Variants in RIN3 observed in about 807,000 individuals in gnomAD.
RIN3 encodes RAB5 interacting protein 3.
A neutral mutation model predicts 76.3 loss-of-function variants in RIN3; 54 were observed. That is an observed-to-expected ratio of 0.71 (90% CI 0.57 to 0.89). The LOEUF (loss-of-function observed/expected upper bound fraction) is 0.89. Among genes scored for constraint, RIN3 ranks in the 40% least tolerant of loss-of-function variants. The pLI is 0.00. For synonymous variants in RIN3, 576 were observed against 564.0 expected, an observed-to-expected ratio of 1.02 and a Z score of -0.30; for missense variants, 1,256 against 1,322.1, an observed-to-expected ratio of 0.95 and a Z score of 0.78.
At chr14:92,526,082 G>GT (rs1417022654) in intron 1 of RIN3, among the ~76,000 whole-genome samples, 1 of 152,180 alleles carries the variant, frequency 6.6e-6, no homozygotes, top group Non-Finnish European at 1.5e-5. Context: ...GACAGGAGAG[G>GT]TGACCAGATA....
intron 2 of RIN3, among the ~76,000 whole-genome samples, chr14:92,560,051 G>A (rs1453350692): frequency 6.6e-6 from 1 of 152,216 alleles, no homozygotes; most frequent in Non-Finnish European, 1.5e-5. Context: ...TGTGGCAAGA[G>A]GCAAAGGCCA....
At chr14:92,657,228 T>C (rs1356684638) in intron 6 of RIN3, among the ~76,000 whole-genome samples, 1 of 152,010 alleles carries the variant, frequency 6.6e-6, no homozygotes, top group Non-Finnish European at 1.5e-5. Flanking sequence ...GGCATGGTGG[T>C]GGGTACCTGT....
At chr14:92,596,297 T>C (rs1484303991) in intron 3 of RIN3, among the ~76,000 whole-genome samples, 3 of 152,328 alleles carry the variant, frequency 2.0e-5, no homozygotes, top group South Asian at 2.1e-4. Flanking sequence ...GCCCCAGTTA[T>C]TGGGGAGTTG....
chr14:92,578,933 C>CT (rs796205337), intron 3 of RIN3, among the ~76,000 whole-genome samples: 1,990 of 146,706 alleles, frequency 0.014, 32 homozygotes, highest in African/African-American at 0.039. Flanking sequence ...CTTTTCTTTT[C>CT]TTTTTTTTTT....
At chr14:92,660,807 C>T (rs1887853653) in intron 7 of RIN3, among the ~76,000 whole-genome samples, 1 of 152,204 alleles carries the variant, frequency 6.6e-6, no homozygotes, top group Non-Finnish European at 1.5e-5. Context: ...GACTGCAGTC[C>T]TCCAGGCAGA....
chr14:92,665,633 G>A (rs1277931005), intron 7 of RIN3, among the ~76,000 whole-genome samples: 1 of 151,924 alleles, frequency 6.6e-6, no homozygotes, highest in Non-Finnish European at 1.5e-5. Flanking sequence ...CACCCACCTC[G>A]GCCTCTCAAA....
intron 4 of RIN3, among the ~76,000 whole-genome samples, chr14:92,634,562 C>T (rs1886709750): frequency 6.6e-6 from 1 of 152,032 alleles, no homozygotes; most frequent in South Asian, 2.1e-4. Context: ...CCCTCAGGAG[C>T]TGTTTAAAAA....
At chr14:92,673,509 C>CT (rs34245765) in intron 7 of RIN3, among the ~76,000 whole-genome samples, 46,999 of 146,592 alleles carry the variant, frequency 0.32, 7,602 homozygotes, top group Non-Finnish European at 0.36. Flanking sequence ...AAAATATCCA[C>CT]TTTTTTTTTT....
chr14:92,626,311 C>A (rs1015781473), intron 4 of RIN3, among the ~76,000 whole-genome samples: 41 of 152,294 alleles, frequency 2.7e-4, no homozygotes, highest in South Asian at 1.9e-3. Flanking sequence ...ATCCCCCTTT[C>A]TTCCCCTGAG....
At chr14:92,632,133 A>G (rs1886608992) in intron 4 of RIN3, among the ~76,000 whole-genome samples, 1 of 152,148 alleles carries the variant, frequency 6.6e-6, no homozygotes, top group African/African-American at 2.4e-5. Flanking sequence ...TCTGGAGCAT[A>G]AAGTAAACCT....
At chr14:92,670,771 G>A (rs1046494867) in intron 7 of RIN3, among the ~76,000 whole-genome samples, 3 of 152,186 alleles carry the variant, frequency 2.0e-5, no homozygotes, top group African/African-American at 7.2e-5. Flanking sequence ...TGGTGTGCTG[G>A]AGTCAGCTCG....
chr14:92,524,555 A>G (rs1896679776), intron 1 of RIN3, among the ~76,000 whole-genome samples: 1 of 152,232 alleles, frequency 6.6e-6, no homozygotes, highest in African/African-American at 2.4e-5. Context: ...AAGAGGCCCC[A>G]AGAATGGCCT....
At chr14:92,669,865 T>C (rs1888227944) in intron 7 of RIN3, among the ~76,000 whole-genome samples, 1 of 152,134 alleles carries the variant, frequency 6.6e-6, no homozygotes, top group African/African-American at 2.4e-5. Flanking sequence ...ACTAAAAATA[T>C]TTACTTTCTG....
At chr14:92,668,741 G>T (rs567418684) in intron 7 of RIN3, among the ~76,000 whole-genome samples, 2 of 152,336 alleles carry the variant, frequency 1.3e-5, no homozygotes, top group South Asian at 4.1e-4. Flanking sequence ...CTCTCTAGGG[G>T]CCACAGACAT....
chr14:92,550,000 T>A (rs952152025), intron 1 of RIN3, among the ~76,000 whole-genome samples: 1 of 152,054 alleles, frequency 6.6e-6, no homozygotes, highest in Non-Finnish European at 1.5e-5. Context: ...GGTGTCAGAG[T>A]GGCCGGCTCT....
intron 5 of RIN3, chr14:92,645,227 G>C (rs1025048416): frequency 6.6e-6 from 1 of 152,180 alleles, no homozygotes; most frequent in African/African-American, 2.4e-5. Flanking sequence ...ATGATCCCTG[G>C]CCAGCCTAGT....
At chr14:92,589,758 C>T (rs1884913683) in intron 3 of RIN3, among the ~76,000 whole-genome samples, 1 of 152,178 alleles carries the variant, frequency 6.6e-6, no homozygotes, top group African/African-American at 2.4e-5. Context: ...TCCTGATTGC[C>T]CCCCTTCCCA....
At chr14:92,534,785 A>C (rs1450187060) in intron 1 of RIN3, among the ~76,000 whole-genome samples, 1 of 152,028 alleles carries the variant, frequency 6.6e-6, no homozygotes, top group African/African-American at 2.4e-5. Flanking sequence ...AGAGGCTCTG[A>C]CAAGCACATT....
Position 92,681,379 on chromosome 14 carries a change from G to T in RIN3, c.2468-3608G>T, listed in dbSNP as rs1375984787. ...GGGCGTGGCTGCTCCCCTTTCACCT[G>T]CGAGGGTGAGACACCCCCAGAGCAC... On this transcript the variant is annotated intron_variant, in intron 8 of 9. Transcript: ENST00000216487. The surrounding 1 kb of genome is among the most constrained non-coding windows in gnomAD (Gnocchi z 4.7). Among the ~76,000 whole-genome samples, 1 of 152,188 alleles carries T rather than the reference G, an allele frequency of 6.6e-6. No individual in the cohort carries two copies.
Sources: allele counts gnomAD v4.1 joint callset (sites outside exome capture counted in the v4.1 genomes callset), GRCh38; gene constraint gnomAD v4.1.1; non-coding constraint Gnocchi (gnomAD v3.1); transcripts MANE v1.5; gene names NCBI Gene and HGNC (gene_info 2026-07-23, HGNC 2026-07-21).